FILIP1L: variants seen among roughly 807,000 people sequenced by gnomAD.
FILIP1L encodes filamin A interacting protein 1 like.
Under a neutral mutation model 96.6 loss-of-function variants are expected in FILIP1L, and 55 were observed. The ratio of observed to expected loss-of-function variants is 0.57; its 90% CI spans 0.46 to 0.71. The LOEUF (loss-of-function observed/expected upper bound fraction) is 0.71, where lower values mean the gene tolerates loss of function less well. FILIP1L is among the 30% of genes least tolerant of loss of function. FILIP1L has a pLI of 0.00. For synonymous variants in FILIP1L, 467 were observed against 473.9 expected (o/e 0.99, Z 0.19); for missense variants, 1,304 against 1,321.2 (o/e 0.99, Z 0.20).
At chr3:100,056,186 A>G (rs904919326) in intron 1 of FILIP1L, among the ~76,000 whole-genome samples, 1 of 152,216 alleles carries the variant, frequency 6.6e-6, no homozygotes, top group Non-Finnish European at 1.5e-5. Flanking sequence ...ATGGTAGGGT[A>G]CCAAATATTA....
At chr3:99,901,395 G>A (rs1706431287) in intron 4 of FILIP1L, among the ~76,000 whole-genome samples, 1 of 152,196 alleles carries the variant, frequency 6.6e-6, no homozygotes, top group Admixed American at 6.5e-5. Flanking sequence ...GACAAGCGAT[G>A]ACTCATTTTA....
chr3:99,987,226 C>T (rs148128568), intron 1 of FILIP1L, among the ~76,000 whole-genome samples: 1 of 135,370 alleles, frequency 7.4e-6, no homozygotes, highest in East Asian at 2.2e-4. Flanking sequence ...AAGACCCTGT[C>T]TCTTAAGGGG....
chr3:99,992,294 A>G (rs1559717465), intron 1 of FILIP1L, among the ~76,000 whole-genome samples: 1 of 152,102 alleles, frequency 6.6e-6, no homozygotes, highest in Non-Finnish European at 1.5e-5. Context: ...TCAACAGTAT[A>G]TAAGTGTTTC....
intron 1 of FILIP1L, among the ~76,000 whole-genome samples, chr3:100,072,509 G>A (rs1052310259): frequency 6.6e-6 from 1 of 152,214 alleles, no homozygotes; most frequent in Non-Finnish European, 1.5e-5. Flanking sequence ...GGCATTTGCA[G>A]TGGTGCAATA....
At chr3:100,074,176 A>G (rs990392435) in intron 1 of FILIP1L, among the ~76,000 whole-genome samples, 1 of 152,128 alleles carries the variant, frequency 6.6e-6, no homozygotes, top group Non-Finnish European at 1.5e-5. Context: ...AAGAATCCCA[A>G]GCTGTTTATC....
At chr3:99,921,601 T>C (rs993634012) in intron 4 of FILIP1L, among the ~76,000 whole-genome samples, 1 of 152,202 alleles carries the variant, frequency 6.6e-6, no homozygotes, top group African/African-American at 2.4e-5. Flanking sequence ...TAGATGAATA[T>C]TCTCATATCT....
At chr3:99,995,468 C>G (rs572266079) in intron 1 of FILIP1L, among the ~76,000 whole-genome samples, 3 of 152,182 alleles carry the variant, frequency 2.0e-5, no homozygotes, top group Non-Finnish European at 4.4e-5. Context: ...GAGCATGGTG[C>G]AAGCTGTTGG....
At chr3:99,845,155 T>C (rs919825429) in intron 5 of FILIP1L, among the ~76,000 whole-genome samples, 3 of 152,198 alleles carry the variant, frequency 2.0e-5, no homozygotes, top group Non-Finnish European at 4.4e-5. Flanking sequence ...TTCTTTCTTA[T>C]GTGTACAGAT....
chr3:99,869,654 C>T (rs1944691686), intron 4 of FILIP1L, among the ~76,000 whole-genome samples: 1 of 152,182 alleles, frequency 6.6e-6, no homozygotes, highest in African/African-American at 2.4e-5. Context: ...GACCAGGCAA[C>T]TCCTTCCTTT....
intron 1 of FILIP1L, among the ~76,000 whole-genome samples, chr3:100,089,069 G>A (rs1261542411): frequency 1.1e-4 from 17 of 152,104 alleles, no homozygotes. Context: ...GTATTAGAAG[G>A]CATCAGTGAG....
chr3:99,980,588 A>T (rs1256451417), intron 1 of FILIP1L, among the ~76,000 whole-genome samples: 1 of 152,156 alleles, frequency 6.6e-6, no homozygotes, highest in African/African-American at 2.4e-5. Context: ...AAAATTTAAA[A>T]ATTACTGGCT....
chr3:99,899,514 T>G (rs541193799), intron 4 of FILIP1L, among the ~76,000 whole-genome samples: 22 of 152,316 alleles, frequency 1.4e-4, no homozygotes, highest in African/African-American at 5.3e-4. Context: ...AAGGATTTAG[T>G]TTTTTTGTGA....
At chr3:100,014,462 A>C (rs1217997539) in intron 1 of FILIP1L, among the ~76,000 whole-genome samples, 2 of 152,114 alleles carry the variant, frequency 1.3e-5, no homozygotes, top group East Asian at 3.9e-4. Context: ...TCCCACCAAC[A>C]GTGTATAAGA....
chr3:99,941,859 G>A (rs1474713315), intron 1 of FILIP1L, among the ~76,000 whole-genome samples: 1 of 152,166 alleles, frequency 6.6e-6, no homozygotes, highest in Non-Finnish European at 1.5e-5. Context: ...GGGGATGAAT[G>A]AGATAAAACC....
At chr3:100,083,753 G>A (rs1207858915) in intron 1 of FILIP1L, among the ~76,000 whole-genome samples, 4 of 152,034 alleles carry the variant, frequency 2.6e-5, no homozygotes, top group Admixed American at 6.6e-5. Flanking sequence ...TTGTTTGTTT[G>A]TTTAGAGAAG....
chr3:100,014,882 T>TC (rs1710280304), intron 1 of FILIP1L, among the ~76,000 whole-genome samples: 2 of 132,814 alleles, frequency 1.5e-5, no homozygotes, highest in South Asian at 2.6e-4. Flanking sequence ...TTCTTTTTTT[T>TC]TTTTCTTTCT....
intron 1 of FILIP1L, among the ~76,000 whole-genome samples, chr3:99,933,075 G>A (rs900993291): frequency 8.5e-5 from 13 of 152,140 alleles, no homozygotes; most frequent in South Asian, 4.1e-4. Flanking sequence ...ATGGAAGCAC[G>A]GGAAACTTAT....
At chr3:99,879,554 G>A (rs796538427) in intron 4 of FILIP1L, among the ~76,000 whole-genome samples, 4 of 151,916 alleles carry the variant, frequency 2.6e-5, no homozygotes, top group African/African-American at 9.7e-5. Context: ...CTTTTGACTG[G>A]TCATGTCTTT....
chr3:99,883,689 C>T (rs1705803657), intron 4 of FILIP1L, among the ~76,000 whole-genome samples: 1 of 152,170 alleles, frequency 6.6e-6, no homozygotes, highest in African/African-American at 2.4e-5. Context: ...CACTTCTATA[C>T]TGGTTTTGTT....
Sources: allele counts gnomAD v4.1 joint callset (sites outside exome capture counted in the v4.1 genomes callset), GRCh38; gene constraint gnomAD v4.1.1; transcripts MANE v1.5; gene names NCBI Gene and HGNC (gene_info 2026-07-23, HGNC 2026-07-21).